The following CMIP variants were observed in gnomAD, a reference collection of about 807,000 sequenced individuals.
The protein encoded by CMIP is C-Maf-inducing protein.
In CMIP, 13 loss-of-function variants were observed where a neutral mutation model predicts 97.3. The ratio of observed to expected loss-of-function variants is 0.13; its 90% CI spans 0.09 to 0.21. CMIP has a LOEUF of 0.21. Ranked by LOEUF, CMIP falls within the 10% of genes least tolerant of loss-of-function variation. The pLI is 1.00. For missense variants in CMIP, 847 were observed against 1,024.9 expected (o/e 0.83, Z 2.37); for synonymous variants, 538 against 436.3 (o/e 1.23, Z -2.91).
chr16:81,696,419 G>A lies in CMIP; in HGVS notation c.1531-141G>A, dbSNP rs1282878306. The A allele has an allele frequency of 5.1e-6, 4 of 786,022 alleles. No individual in the cohort carries two copies. In the African/African-American group the frequency reaches 5.1e-5, roughly 10 times the overall value. The allele number at this position is 786,022 out of a possible 1,614,324, so 48.7% of individuals were successfully genotyped here. ...CATGGCATTTGGTGGAAGGCTGGGG[G>A]TTGCTGGAGGAAACAAAGTTAAGCG... On this transcript the variant is annotated intron_variant, in intron 13 of 20. Coordinates refer to ENST00000537098, the MANE Select transcript of CMIP (RefSeq NM_198390.3).
intron 3 of CMIP, chr16:81,645,652 G>A (rs2092356307): frequency 6.6e-7 from 1 of 1,524,692 alleles, no homozygotes; most frequent in South Asian, 1.2e-5. Context: ...TGGAGTGGCT[G>A]ACTCTGCCAG....
chr16:81,610,998 C>T (rs934183143), intron 2 of CMIP, among the ~76,000 whole-genome samples: 1 of 152,172 alleles, frequency 6.6e-6, no homozygotes, highest in Non-Finnish European at 1.5e-5. Context: ...CCCATCTGAA[C>T]GGCATTACCT....
At chr16:81,660,972 T>C (rs2092539082) in intron 6 of CMIP, 26 bp downstream of exon 6, 2 of 1,613,928 alleles carry the variant, frequency 1.2e-6, no homozygotes, top group Non-Finnish European at 1.7e-6. Context: ...GCTGGGGCTG[T>C]GGCTGCAGGA....
At chr16:81,701,906 G>A (rs937493605) in intron 16 of CMIP, 106 bp downstream of exon 16, 11 of 1,388,260 alleles carry the variant, frequency 7.9e-6, no homozygotes, top group Admixed American at 3.7e-5. Context: ...CCTCAATCTC[G>A]TTGAATTCTC....
chr16:81,687,020 C>G (rs1462011796), intron 10 of CMIP, among the ~76,000 whole-genome samples: 1 of 152,156 alleles, frequency 6.6e-6, no homozygotes, highest in African/African-American at 2.4e-5. Flanking sequence ...CAGATCCCAC[C>G]TCCTGCCCCA....
chr16:81,700,693 G>A (rs1051547239), intron 15 of CMIP: 2 of 152,808 alleles, frequency 1.3e-5, no homozygotes, highest in Non-Finnish European at 1.5e-5. Context: ...GAGCCCTGGG[G>A]AAGAGGCAGC....
intron 1 of CMIP, among the ~76,000 whole-genome samples, chr16:81,571,405 C>A (rs2091085127): frequency 6.6e-6 from 1 of 151,916 alleles, no homozygotes; most frequent in Admixed American, 6.6e-5. Flanking sequence ...GAATTTGAGG[C>A]TGCAGCGAGC....
intron 1 of CMIP, among the ~76,000 whole-genome samples, chr16:81,536,022 T>C (rs1289684541): frequency 6.6e-6 from 1 of 152,198 alleles, no homozygotes; most frequent in East Asian, 1.9e-4. Context: ...TGCTGTGTGC[T>C]GTGGGCTGAT....
At chr16:81,459,025 T>TGTCACCATCACC (rs1906739050) in intron 1 of CMIP, among the ~76,000 whole-genome samples, 3 of 131,490 alleles carry the variant, frequency 2.3e-5, no homozygotes, top group African/African-American at 8.0e-5. Flanking sequence ...TCACCATCAC[T>TGTCACCATCACC]GTCACCATCA....
chr16:81,622,939 C>T (rs1456832825), intron 3 of CMIP, among the ~76,000 whole-genome samples: 2 of 152,236 alleles, frequency 1.3e-5, no homozygotes, highest in African/African-American at 4.8e-5. Flanking sequence ...TGTGGTGGCT[C>T]ATGCCTGTAA....
At chr16:81,512,298 T>G (rs2927305) in intron 1 of CMIP, among the ~76,000 whole-genome samples, 81,507 of 151,792 alleles carry the variant, frequency 0.54, 22,252 homozygotes, top group East Asian at 0.7. Context: ...CATGCCTTGG[T>G]GGGGGTCTTT....
intron 10 of CMIP, among the ~76,000 whole-genome samples, chr16:81,687,707 G>C (rs1905564968): frequency 6.6e-6 from 1 of 152,194 alleles, no homozygotes; most frequent in Admixed American, 6.5e-5. Context: ...TGTGATACAA[G>C]CCCATCTGTA....
intron 10 of CMIP, among the ~76,000 whole-genome samples, chr16:81,682,215 C>T (rs979591972): frequency 3.3e-5 from 5 of 151,426 alleles, no homozygotes; most frequent in South Asian, 2.1e-4. Context: ...ATAATAAAAG[C>T]GTGAACTGCA....
intron 13 of CMIP, chr16:81,696,283 C>T (rs879497650): frequency 1.9e-6 from 1 of 535,754 alleles, no homozygotes; most frequent in Non-Finnish European, 3.4e-6. Flanking sequence ...AGGCCCGCTT[C>T]ATTCAGATCA....
In CMIP at chr16:81,711,501, G is replaced by T. The variant is rs1908769467; in HGVS notation, c.*1702G>T. ...TTTTTGTTGTTGTTTTTAGTTGTTT[G>T]GTTTTCTTTTCTTTCCCCCCTCCGG... is the stretch of plus-strand genomic sequence containing the variant. On this transcript the variant is annotated 3_prime_UTR_variant, in exon 21 of 21. Coordinates refer to ENST00000537098, the MANE Select transcript of CMIP (RefSeq NM_198390.3). 6.6e-6 allele frequency: 1 copy of T among 150,654 alleles called. No homozygotes were observed. Among genetic ancestry groups the T allele is most frequent in the South Asian group, 2.1e-4 (1 of 4,782 alleles). 9.3% of individuals were successfully genotyped at this position (150,654 alleles called of 1,614,324 possible).
rs767997545 is a variant in CMIP, at chr16:81,708,236, C to T, written c.2268+1152C>T. ...CAGAAGGTGGCAGGGGCACAGCCAG[C>T]AGATCACCCATCCCAGCGTTTAGAC... On this transcript the variant is annotated intron_variant, in intron 20 of 20. Transcript: ENST00000537098. Among the ~76,000 whole-genome samples, 4 of 152,236 alleles carry T rather than the reference C, an allele frequency of 2.6e-5. No individual in the cohort carries two copies. The East Asian group carries it at 5.8e-4, about 22-fold the overall frequency.
chr16:81,536,499 G>A (rs997258456), intron 1 of CMIP, among the ~76,000 whole-genome samples: 1 of 152,172 alleles, frequency 6.6e-6, no homozygotes, highest in Non-Finnish European at 1.5e-5. Flanking sequence ...ATAATGCCCT[G>A]TCCTAACCAT....
chr16:81,494,654 C>G (rs1015254372), intron 1 of CMIP, among the ~76,000 whole-genome samples: 4 of 151,994 alleles, frequency 2.6e-5, no homozygotes, highest in African/African-American at 9.7e-5. Context: ...TCCGCTGATG[C>G]TTAAGGTCAC....
chr16:81,701,542 C>T, intron 15 of CMIP, 118 bp from the exon 16 acceptor site: 1 of 1,404,394 alleles, frequency 7.1e-7, no homozygotes, highest in Non-Finnish European at 1.0e-6. Flanking sequence ...ACAGCCGGGG[C>T]TGCAGAAAGG....
Sources: allele counts gnomAD v4.1 joint callset (sites outside exome capture counted in the v4.1 genomes callset), GRCh38; gene constraint gnomAD v4.1.1; transcripts MANE v1.5; gene names NCBI Gene and HGNC (gene_info 2026-07-23, HGNC 2026-07-21).